ATP8A2: variants seen among roughly 807,000 people sequenced by gnomAD.
ATP8A2 encodes phospholipid-transporting ATPase IB.
ATP8A2 carries 100 observed loss-of-function variants against 165.6 expected under a neutral mutation model. The ratio of observed to expected loss-of-function variants is 0.60; its 90% CI spans 0.51 to 0.71. The LOEUF (loss-of-function observed/expected upper bound fraction) is 0.71, where lower values mean the gene tolerates loss of function less well. Among genes scored for constraint, ATP8A2 ranks in the 30% least tolerant of loss-of-function variants. The pLI, the probability that ATP8A2 is intolerant of heterozygous loss-of-function variation, is 0.00. For missense variants in ATP8A2, 1,227 were observed against 1,479.5 expected, an observed-to-expected ratio of 0.83 and a Z score of 2.80; for synonymous variants, 543 against 548.8, an observed-to-expected ratio of 0.99 and a Z score of 0.15.
intron 24 of ATP8A2, among the ~76,000 whole-genome samples, chr13:25,669,385 G>GA (rs2042218514): frequency 6.6e-6 from 1 of 152,088 alleles, no homozygotes; most frequent in South Asian, 2.1e-4. Context: ...AAAAAGAAAA[G>GA]AAAAAAACAA....
Position 25,899,916 on chromosome 13 carries a change from C to T in ATP8A2, c.3183+37508C>T, listed in dbSNP as rs148714034. 4.0e-3 allele frequency among the ~76,000 whole-genome samples: 612 copies of T among 151,666 alleles called. 2 individuals carry two copies. Among genetic ancestry groups the T allele is most frequent in the African/African-American group, 0.014 (584 of 41,406 alleles). ...GGTGGTACAGGGGAAAGAGTGGAGG[C>T]AGGGAGTCCAGCTGGGTGATGGGGA... On this transcript the variant is annotated intron_variant, in intron 33 of 36. Coordinates refer to ENST00000381655, the MANE Select transcript of ATP8A2 (RefSeq NM_016529.6).
intron 1 of ATP8A2, among the ~76,000 whole-genome samples, chr13:25,447,775 A>C (rs1184819689): frequency 6.6e-6 from 1 of 152,180 alleles, no homozygotes; most frequent in African/African-American, 2.4e-5. Flanking sequence ...ATGGACTCGA[A>C]GGATGGTGAA....
intron 24 of ATP8A2, among the ~76,000 whole-genome samples, chr13:25,663,703 A>G (rs892075149): frequency 2.6e-5 from 4 of 152,190 alleles, no homozygotes; most frequent in African/African-American, 2.4e-5. Context: ...CTGTCTGGCT[A>G]TAGAACTTTA....
rs1055101421 is a variant in ATP8A2, at chr13:26,020,989, G to A, written c.*1004G>A. ...CCCTTCCCAACATCCAGACTGCTGG[G>A]CCTTTGGCATCCACTTACATTAGAA... On this transcript the variant is annotated 3_prime_UTR_variant, in exon 37 of 37. Coordinates refer to ENST00000381655, the MANE Select transcript of ATP8A2 (RefSeq NM_016529.6). The A allele has an allele frequency of 1.3e-5, 2 of 152,248 alleles. No individual in the cohort carries two copies. The highest frequency in any genetic ancestry group is 6.5e-5 in the Admixed American group (1 of 15,278). 9.4% of individuals were successfully genotyped at this position (152,248 alleles called of 1,614,324 possible).
chr13:25,426,733 A>G (rs564822201), intron 1 of ATP8A2, among the ~76,000 whole-genome samples: 2 of 152,194 alleles, frequency 1.3e-5, no homozygotes, highest in East Asian at 3.9e-4. Context: ...ACCTGAGGTC[A>G]GGAGTTTGAG....
At chr13:25,689,747 T>C (rs2042682397) in intron 24 of ATP8A2, among the ~76,000 whole-genome samples, 1 of 151,506 alleles carries the variant, frequency 6.6e-6, no homozygotes, top group Non-Finnish European at 1.5e-5. Flanking sequence ...GCAAATGGTG[T>C]GACAAGCAAC....
intron 27 of ATP8A2, among the ~76,000 whole-genome samples, chr13:25,821,599 T>C (rs1264432868): frequency 6.6e-6 from 1 of 152,242 alleles, no homozygotes; most frequent in East Asian, 1.9e-4. Context: ...ATGTTATTAT[T>C]TTGTTTGTAA....
rs536693715 is a variant in ATP8A2 at position 25,737,782 on chromosome 13, A to T, written c.2385-31264A>T. On this transcript the variant is annotated intron_variant, in intron 25 of 36. Transcript: ENST00000381655. ...ACTGCAAGCTCCACCTCCCAGGTTCATGCCATTCTTCTGCCTCAGCCTCCC... is the reference window on the plus strand; with the variant it reads ...ACTGCAAGCTCCACCTCCCAGGTTCTTGCCATTCTTCTGCCTCAGCCTCCC... Among the ~76,000 whole-genome samples, 291 of 152,316 alleles carry T rather than the reference A, an allele frequency of 1.9e-3. 2 individuals carry two copies. The highest frequency in any genetic ancestry group is 6.7e-3 in the African/African-American group (279 of 41,572).
intron 24 of ATP8A2, among the ~76,000 whole-genome samples, chr13:25,671,032 C>T (rs914156191): frequency 2.0e-5 from 3 of 152,174 alleles, no homozygotes; most frequent in Non-Finnish European, 2.9e-5. Flanking sequence ...GGACCCCAAA[C>T]GGAGGGACCG....
intron 24 of ATP8A2, among the ~76,000 whole-genome samples, chr13:25,628,147 C>G (rs183628435): frequency 1.3e-4 from 20 of 152,238 alleles, no homozygotes; most frequent in African/African-American, 3.8e-4. Flanking sequence ...CACTCCTAGG[C>G]CACCCTCCCT....
intron 27 of ATP8A2, among the ~76,000 whole-genome samples, chr13:25,779,350 G>T (rs2044817246): frequency 7.5e-6 from 1 of 132,576 alleles, no homozygotes; most frequent in African/African-American, 2.8e-5. Context: ...TGTCTAGAAT[G>T]CTCAGAGCTT....
At chr13:25,645,295 C>T (rs369827587) in intron 24 of ATP8A2, among the ~76,000 whole-genome samples, 2 of 152,146 alleles carry the variant, frequency 1.3e-5, no homozygotes, top group East Asian at 3.9e-4. Flanking sequence ...ACCAGAATAG[C>T]ACAGGAAAGA....
chr13:25,709,521 G>GT (rs142893891), intron 25 of ATP8A2, among the ~76,000 whole-genome samples: 3 of 151,750 alleles, frequency 2.0e-5, no homozygotes, highest in African/African-American at 7.3e-5. Context: ...TAGATACTGA[G>GT]TTTTTTTTCT....
chr13:25,856,373 C>T (rs1293605458), intron 30 of ATP8A2, among the ~76,000 whole-genome samples: 1 of 152,128 alleles, frequency 6.6e-6, no homozygotes, highest in East Asian at 1.9e-4. Flanking sequence ...GCATGATAGA[C>T]ACTGGAGACT....
chr13:25,435,478 G>A (rs77587256), intron 1 of ATP8A2, among the ~76,000 whole-genome samples: 2,324 of 152,204 alleles, frequency 0.015, 61 homozygotes, highest in African/African-American at 0.053. Context: ...GGGAGAGAAA[G>A]CCAGTAAAGC....
chr13:25,418,154 T>C (rs954802959), intron 1 of ATP8A2, among the ~76,000 whole-genome samples: 1 of 152,190 alleles, frequency 6.6e-6, no homozygotes, highest in African/African-American at 2.4e-5. Flanking sequence ...AAGGTCTCCC[T>C]GACCAGGACA....
intron 24 of ATP8A2, among the ~76,000 whole-genome samples, chr13:25,671,752 T>G (rs2042268212): frequency 6.6e-6 from 1 of 152,196 alleles, no homozygotes; most frequent in Non-Finnish European, 1.5e-5. Flanking sequence ...ATTAGCAATT[T>G]TAATTTTGCC....
intron 24 of ATP8A2, among the ~76,000 whole-genome samples, chr13:25,642,469 T>G (rs2041552740): frequency 6.6e-6 from 1 of 152,140 alleles, no homozygotes; most frequent in Non-Finnish European, 1.5e-5. Flanking sequence ...AAGAAGACAT[T>G]TATGCAGCCA....
At chr13:25,719,902 A>C (rs2043338227) in intron 25 of ATP8A2, among the ~76,000 whole-genome samples, 1 of 151,984 alleles carries the variant, frequency 6.6e-6, no homozygotes, top group African/African-American at 2.4e-5. Context: ...CAATGTAAGG[A>C]TGGGGCTCTG....
Sources: gnomAD v4.1 joint callset for allele counts (sites outside exome capture counted in the v4.1 genomes callset) on GRCh38, gnomAD v4.1.1 for gene constraint, MANE v1.5 for transcripts, NCBI Gene and HGNC (gene_info 2026-07-23, HGNC 2026-07-21) for gene names.